FMNL2: variants seen among roughly 807,000 people sequenced by gnomAD.
FMNL2 encodes formin-like protein 2.
In FMNL2, 51 loss-of-function variants were observed where a neutral mutation model predicts 130.2. That is an observed-to-expected ratio of 0.39 (90% CI 0.31 to 0.49). FMNL2 has a LOEUF of 0.49. Ranked by LOEUF, FMNL2 falls within the 20% of genes least tolerant of loss-of-function variation. The probability of loss-of-function intolerance (pLI) is 0.85; values close to 1 mark genes in which losing one functional copy is unlikely to be tolerated. For missense variants in FMNL2, 977 were observed against 1,316.2 expected (o/e 0.74, Z 3.99); for synonymous variants, 465 against 467.1 (o/e 1.00, Z 0.06).
At chr2:152,477,360 T>C (rs1439644766) in intron 1 of FMNL2, among the ~76,000 whole-genome samples, 2 of 152,232 alleles carry the variant, frequency 1.3e-5, no homozygotes, top group Non-Finnish European at 2.9e-5. Context: ...TGGGGAAGTC[T>C]CAGGTGCTCA....
intron 9 of FMNL2, among the ~76,000 whole-genome samples, chr2:152,600,400 C>T (rs1344684014): frequency 6.6e-6 from 1 of 152,208 alleles, no homozygotes; most frequent in African/African-American, 2.4e-5. Context: ...AGTCAGGCCT[C>T]AATTTGGCTA....
At chr2:152,500,104 C>T (rs1691730381) in intron 1 of FMNL2, among the ~76,000 whole-genome samples, 1 of 152,078 alleles carries the variant, frequency 6.6e-6, no homozygotes, top group Non-Finnish European at 1.5e-5. Flanking sequence ...TGAATTAGTG[C>T]TGACTTCAGA....
intron 1 of FMNL2, among the ~76,000 whole-genome samples, chr2:152,410,483 A>G (rs1056731362): frequency 3.9e-5 from 6 of 152,200 alleles, no homozygotes; most frequent in Admixed American, 2.6e-4. Flanking sequence ...TGCTGAGTCA[A>G]TGTAGTATTT....
chr2:152,421,219 A>G (rs1686900839), intron 1 of FMNL2, among the ~76,000 whole-genome samples: 1 of 152,186 alleles, frequency 6.6e-6, no homozygotes, highest in Non-Finnish European at 1.5e-5. Flanking sequence ...AATGACTTCA[A>G]GTCTTTGAAA....
At chr2:152,457,216 T>C (rs1387485426) in intron 1 of FMNL2, among the ~76,000 whole-genome samples, 1 of 151,732 alleles carries the variant, frequency 6.6e-6, no homozygotes, top group African/African-American at 2.4e-5. Flanking sequence ...GAAATTAAGA[T>C]TTGTTTGTTA....
chr2:152,549,624 C>A (rs944155039), intron 4 of FMNL2, among the ~76,000 whole-genome samples: 3 of 152,186 alleles, frequency 2.0e-5, no homozygotes, highest in Non-Finnish European at 4.4e-5. Context: ...AAGTGTAAAT[C>A]CACTGTGGGA....
At chr2:152,515,713 T>G (rs1692730911) in intron 1 of FMNL2, among the ~76,000 whole-genome samples, 1 of 152,182 alleles carries the variant, frequency 6.6e-6, no homozygotes, top group Non-Finnish European at 1.5e-5. Flanking sequence ...TCCTCCGATT[T>G]CCTTCTCTGT....
Position 152,558,840 on chromosome 2 carries a change from T to G in FMNL2, c.443+17T>G. 6.2e-7 allele frequency: 1 copy of G among 1,608,128 alleles called. No individual in the cohort carries two copies. The highest frequency in any genetic ancestry group is 8.5e-7 in the Non-Finnish European group (1 of 1,176,080). The stretch of plus-strand genomic sequence containing the variant: ...CGCGGTAACGTAAGTAAAACTTGGC[T>G]TGCTTGCATTTGAATTTTATGTGGT... On this transcript the variant is annotated intron_variant, in intron 5 of 25. Transcript: ENST00000288670.
chr2:152,579,652 C>T (rs1398024892), intron 8 of FMNL2, among the ~76,000 whole-genome samples: 2 of 152,074 alleles, frequency 1.3e-5, no homozygotes, highest in East Asian at 1.9e-4. Flanking sequence ...GAGCCGAGAT[C>T]GCACCGCTGC....
intron 1 of FMNL2, among the ~76,000 whole-genome samples, chr2:152,442,585 G>A (rs765920854): frequency 2.0e-4 from 30 of 152,030 alleles, no homozygotes; most frequent in Non-Finnish European, 3.2e-4. Context: ...TTCATTTACT[G>A]ATAATACCTT....
chr2:152,427,263 T>G (rs1687247958), intron 1 of FMNL2, among the ~76,000 whole-genome samples: 1 of 152,132 alleles, frequency 6.6e-6, no homozygotes, highest in Non-Finnish European at 1.5e-5. Context: ...AAATCATTGT[T>G]TGGCTGGGTG....
chr2:152,553,213 C>T (rs1224984188), intron 4 of FMNL2, among the ~76,000 whole-genome samples: 1 of 152,128 alleles, frequency 6.6e-6, no homozygotes, highest in African/African-American at 2.4e-5. Flanking sequence ...CTGCTTTTAA[C>T]ATGCATACAA....
intron 4 of FMNL2, among the ~76,000 whole-genome samples, chr2:152,558,029 A>T (rs1038446409): frequency 3.9e-5 from 6 of 152,196 alleles, no homozygotes; most frequent in Non-Finnish European, 7.3e-5. Context: ...TATTATGAAG[A>T]ACAAATAAGA....
chr2:152,386,248 A>G (rs1266689701), intron 1 of FMNL2, among the ~76,000 whole-genome samples: 1 of 152,198 alleles, frequency 6.6e-6, no homozygotes, highest in Non-Finnish European at 1.5e-5. Flanking sequence ...GAGAATTACA[A>G]AGTACAGAGT....
At chr2:152,394,437 G>A (rs996399535) in intron 1 of FMNL2, among the ~76,000 whole-genome samples, 2 of 152,048 alleles carry the variant, frequency 1.3e-5, no homozygotes, top group African/African-American at 4.8e-5. Context: ...TTTACAGCAT[G>A]ATAATTTTCC....
In FMNL2 at chr2:152,517,423, A is replaced by G. The variant is rs141012748; in HGVS notation, c.118-4520A>G. On this transcript the variant is annotated intron_variant, in intron 1 of 25. Transcript: ENST00000288670. ...TTGATGGTTAAGAAGAACATCAAAAATTGTTCTTGAAGCACTCAGTCCAGT... is the reference window on the plus strand; with the variant it reads ...TTGATGGTTAAGAAGAACATCAAAAGTTGTTCTTGAAGCACTCAGTCCAGT... Among the ~76,000 whole-genome samples the G allele has an allele frequency of 1.1e-3, 175 of 152,296 alleles. 4 individuals are homozygous for G. The East Asian group carries it at 0.029, about 25-fold the overall frequency.
chr2:152,464,754 G>A (rs1027191590), intron 1 of FMNL2, among the ~76,000 whole-genome samples: 1 of 152,176 alleles, frequency 6.6e-6, no homozygotes, highest in Non-Finnish European at 1.5e-5. Context: ...TTTCCTCAGA[G>A]CCTCCCTGGG....
chr2:152,404,652 T>TTGGTGG, intron 1 of FMNL2, among the ~76,000 whole-genome samples: 1 of 152,226 alleles, frequency 6.6e-6, no homozygotes, highest in East Asian at 1.9e-4. Context: ...TAATCAAAAA[T>TTGGTGG]TGGTGGTGGT....
chr2:152,349,872 T>C (rs1277212559), intron 1 of FMNL2, among the ~76,000 whole-genome samples: 3 of 151,086 alleles, frequency 2.0e-5, no homozygotes, highest in Non-Finnish European at 4.5e-5. Context: ...CTTTGGTGCT[T>C]ATATGCTTTA....
Sources: gnomAD v4.1 joint callset for allele counts (sites outside exome capture counted in the v4.1 genomes callset) on GRCh38, gnomAD v4.1.1 for gene constraint, MANE v1.5 for transcripts, NCBI Gene and HGNC (gene_info 2026-07-23, HGNC 2026-07-21) for gene names.